The following SRGAP2 variants were observed in gnomAD, a reference collection of about 807,000 sequenced individuals.
SRGAP2 encodes SLIT-ROBO Rho GTPase activating protein 2, also known as SLIT-ROBO Rho GTPase-activating protein 2.
SRGAP2 carries 15 observed loss-of-function variants against 57.2 expected under a neutral mutation model. The ratio of observed to expected loss-of-function variants is 0.26; its 90% CI spans 0.18 to 0.40. The LOEUF is 0.40. Ranked by LOEUF, SRGAP2 falls within the 10% of genes least tolerant of loss-of-function variation. SRGAP2 has a pLI of 1.00. For missense variants in SRGAP2, 520 were observed against 669.6 expected, an observed-to-expected ratio of 0.78 and a Z score of 2.47; for synonymous variants, 249 against 248.0, an observed-to-expected ratio of 1.00 and a Z score of -0.04.
At chr1:206,207,749 A>C (rs1412265204) in intron 2 of SRGAP2, 4 of 124,014 alleles carry the variant, frequency 3.2e-5, no homozygotes, top group Admixed American at 1.6e-4. Flanking sequence ...AGTGACTTTA[A>C]ATGTTTAATT....
intron 2 of SRGAP2, among the ~76,000 whole-genome samples, chr1:206,302,282 G>A (rs1671915773): frequency 6.7e-6 from 1 of 150,104 alleles, no homozygotes; most frequent in African/African-American, 2.5e-5. Flanking sequence ...AATCAGTCTG[G>A]CTTTGGCATA....
At chr1:206,441,970 G>T (rs1662347694) in intron 17 of SRGAP2, among the ~76,000 whole-genome samples, 1 of 152,212 alleles carries the variant, frequency 6.6e-6, no homozygotes, top group Admixed American at 6.5e-5. Flanking sequence ...TAAACCAAGG[G>T]ACCCAGGTGT....
At chr1:206,352,966 C>T (rs1676146045) in intron 4 of SRGAP2, among the ~76,000 whole-genome samples, 2 of 152,000 alleles carry the variant, frequency 1.3e-5, no homozygotes, top group African/African-American at 2.4e-5. Flanking sequence ...GGATTACAGG[C>T]GTGAGCTGCC....
rs116768540 is a variant in SRGAP2 at position 206,425,061 on chromosome 1, C to T, written c.1494+3787C>T. ...CCTTTGTACTTGCCTTTAACTACCA[C>T]TGATATTCCATTTCCTGCAGGCCAA... is the stretch of plus-strand genomic sequence containing the variant. On this transcript the variant is annotated intron_variant, in intron 13 of 22. Coordinates refer to ENST00000573034, the MANE Select transcript of SRGAP2 (RefSeq NM_015326.5). 3.3e-3 allele frequency among the ~76,000 whole-genome samples: 496 copies of T among 152,338 alleles called. 4 individuals are homozygous for T. Among genetic ancestry groups the T allele is most frequent in the Non-Finnish European group, 5.7e-3 (385 of 68,026 alleles).
intron 3 of SRGAP2, among the ~76,000 whole-genome samples, chr1:206,313,079 A>G (rs1553324804): frequency 5.5e-5 from 8 of 145,202 alleles, no homozygotes; most frequent in Non-Finnish European, 1.2e-4. Flanking sequence ...TTGAGTTTTT[A>G]GAGCAATACT....
chr1:206,373,430 C>T (rs9429932), intron 4 of SRGAP2, among the ~76,000 whole-genome samples: 1 of 66,824 alleles, frequency 1.5e-5, no homozygotes, highest in African/African-American at 6.1e-5. Context: ...AAGTATTTTT[C>T]GTTATAAAGA....
intron 21 of SRGAP2, 27 bp downstream of exon 21, chr1:206,455,051 C>G: frequency 2.6e-6 from 2 of 780,556 alleles, no homozygotes; most frequent in Non-Finnish European, 4.8e-6. Context: ...ATTTTCTGCT[C>G]CCCTGAATGA....
At chr1:206,273,643 C>G (rs1180737323) in intron 2 of SRGAP2, among the ~76,000 whole-genome samples, 4,073 of 149,268 alleles carry the variant, frequency 0.027, 158 homozygotes, top group African/African-American at 0.091. Flanking sequence ...TCTGATATCA[C>G]TTCAGTTTCA....
intron 4 of SRGAP2, among the ~76,000 whole-genome samples, chr1:206,356,634 A>G (rs1271769407): frequency 8.5e-5 from 13 of 152,078 alleles, no homozygotes; most frequent in Non-Finnish European, 8.8e-5. Context: ...GTTGCAGGAC[A>G]GGCTTCTGTT....
intron 2 of SRGAP2, among the ~76,000 whole-genome samples, chr1:206,252,248 G>C (rs1313080295): frequency 6.8e-6 from 1 of 147,542 alleles, no homozygotes; most frequent in Non-Finnish European, 1.5e-5. Flanking sequence ...ATTTAGGCCT[G>C]CTTTTTTCTT....
At chr1:206,417,244 C>G (rs1659807018) in intron 11 of SRGAP2, among the ~76,000 whole-genome samples, 1 of 151,424 alleles carries the variant, frequency 6.6e-6, no homozygotes. Context: ...ACTGGGATTA[C>G]AGGCACGTGC....
At position 206,276,526 on chromosome 1, in the gene SRGAP2, C is replaced by T. The variant is rs1341917690; in HGVS notation, c.68-26755C>T. ...GGGAAGGTGGAGTGAAGAAAATTGC[C>T]TGGGTTGAAAAGCCAGTGACTGATG... On this transcript the variant is annotated intron_variant, in intron 2 of 22. Transcript: ENST00000573034. Among the ~76,000 whole-genome samples, 332 of 148,828 alleles carry T rather than the reference C, an allele frequency of 2.2e-3. 1 individual carries two copies. The highest frequency in any genetic ancestry group is 3.7e-3 in the Non-Finnish European group (248 of 67,258).
chr1:206,436,695 G>A (rs1483335776), intron 14 of SRGAP2, among the ~76,000 whole-genome samples: 1 of 152,214 alleles, frequency 6.6e-6, no homozygotes, highest in Non-Finnish European at 1.5e-5. Context: ...GGAAAAGAGA[G>A]GCAAAACAAG....
intron 2 of SRGAP2, among the ~76,000 whole-genome samples, chr1:206,301,280 C>T (rs1294443982): frequency 1.3e-5 from 2 of 152,078 alleles, no homozygotes; most frequent in Non-Finnish European, 2.9e-5. Context: ...TGTGATCCGC[C>T]CGCCTCGGCC....
chr1:206,442,003 A>C (rs1370698898), intron 17 of SRGAP2, among the ~76,000 whole-genome samples: 1 of 152,266 alleles, frequency 6.6e-6, no homozygotes, highest in Non-Finnish European at 1.5e-5. Context: ...TTCTTTGTGA[A>C]AATGAGGAGC....
chr1:206,455,115 T>G lies in SRGAP2; in HGVS notation c.2507+91T>G, dbSNP rs1443098411. On this transcript the variant is annotated intron_variant, in intron 21 of 22. Coordinates refer to ENST00000573034, the MANE Select transcript of SRGAP2 (RefSeq NM_015326.5). ...CTAACCCCCATCTCCATTCCTGTGC[T>G]GCACGTAGGGCTCCCAGCTCCCCCA... The G allele has an allele frequency of 1.0e-5, 8 of 771,894 alleles. No homozygotes were observed. In the African/African-American group the frequency reaches 1.4e-4, roughly 13 times the overall value. The allele number at this position is 771,894 out of a possible 1,614,324, so 47.8% of individuals were successfully genotyped here.
chr1:206,312,963 T>G (rs556521562), intron 3 of SRGAP2, among the ~76,000 whole-genome samples: 76 of 152,390 alleles, frequency 5.0e-4, no homozygotes, highest in East Asian at 4.4e-3. Flanking sequence ...TTGTTTGTTT[T>G]TTTTTTTAAA....
At chr1:206,401,959 A>G (rs1272795602) in intron 8 of SRGAP2, among the ~76,000 whole-genome samples, 5 of 151,692 alleles carry the variant, frequency 3.3e-5, no homozygotes, top group African/African-American at 1.2e-4. Context: ...AGGATCAAAG[A>G]AGGTGAAAAA....
intron 5 of SRGAP2, among the ~76,000 whole-genome samples, chr1:206,389,324 G>A (rs1259317207): frequency 2.0e-5 from 3 of 151,010 alleles, no homozygotes; most frequent in African/African-American, 7.3e-5. Flanking sequence ...ACAGGCACCC[G>A]CCACCACGCC....
Sources: allele counts gnomAD v4.1 joint callset (sites outside exome capture counted in the v4.1 genomes callset), GRCh38; gene constraint gnomAD v4.1.1; transcripts MANE v1.5; gene names NCBI Gene and HGNC (gene_info 2026-07-23, HGNC 2026-07-21).